Variants in MYBPC1 observed in about 807,000 individuals in gnomAD.
MYBPC1 encodes the protein myosin-binding protein C, slow-type.
In MYBPC1, 52 loss-of-function variants were observed where a neutral mutation model predicts 147.1. The ratio of observed to expected loss-of-function variants is 0.35; its 90% CI spans 0.28 to 0.45. The LOEUF is 0.45. MYBPC1 is among the 20% of genes least tolerant of loss of function. MYBPC1 has a pLI of 1.00. For missense variants in MYBPC1, 1,228 were observed against 1,440.3 expected (o/e 0.85, Z 2.39); for synonymous variants, 477 against 475.9 (o/e 1.00, Z -0.03).
intron 1 of MYBPC1, among the ~76,000 whole-genome samples, chr12:101,604,162 C>T (rs565709968): frequency 6.6e-6 from 1 of 152,150 alleles, no homozygotes; most frequent in Non-Finnish European, 1.5e-5. Context: ...AGCAATTTTC[C>T]CCCAGCCCCA....
chr12:101,668,206 A>G (rs373982604), intron 23 of MYBPC1, among the ~76,000 whole-genome samples: 5 of 152,210 alleles, frequency 3.3e-5, no homozygotes, highest in South Asian at 2.1e-4. Context: ...CAACCATGCA[A>G]ACAATCCCTA....
At chr12:101,662,909 A>G (rs763177321) in intron 21 of MYBPC1, among the ~76,000 whole-genome samples, 2 of 152,204 alleles carry the variant, frequency 1.3e-5, no homozygotes, top group Non-Finnish European at 2.9e-5. Flanking sequence ...GTAAACAACT[A>G]TCACTGAAAC....
At chr12:101,638,835 C>T (rs1046756521) in intron 10 of MYBPC1, among the ~76,000 whole-genome samples, 1 of 152,096 alleles carries the variant, frequency 6.6e-6, no homozygotes, top group Admixed American at 6.6e-5. Flanking sequence ...TTAAGATTTG[C>T]ATTCATAATT....
chr12:101,642,383 C>T, intron 10 of MYBPC1, 36 bp from the exon 11 acceptor site: 2 of 1,609,552 alleles, frequency 1.2e-6, no homozygotes, highest in East Asian at 2.2e-5. Context: ...AGGGTCAGTG[C>T]AGCTACTAAA....
At chr12:101,613,266 C>T (rs541473499) in intron 1 of MYBPC1, among the ~76,000 whole-genome samples, 57 of 152,240 alleles carry the variant, frequency 3.7e-4, no homozygotes, top group Admixed American at 5.9e-4. Flanking sequence ...TAGACTAGAA[C>T]GGGGCATTTG....
chr12:101,670,525 G>C, intron 24 of MYBPC1, 116 bp downstream of exon 24: 1 of 891,414 alleles, frequency 1.1e-6, no homozygotes, highest in South Asian at 1.3e-5. Flanking sequence ...CAGAGGGAGA[G>C]GAGGTAAATA....
intron 8 of MYBPC1, 39 bp from the exon 9 acceptor site, chr12:101,634,515 T>C: frequency 6.6e-7 from 1 of 1,522,800 alleles, no homozygotes; most frequent in African/African-American, 1.4e-5. Flanking sequence ...ACTACCTCCT[T>C]AATGGGTATT....
intron 1 of MYBPC1, among the ~76,000 whole-genome samples, chr12:101,601,047 G>A (rs1879717610): frequency 6.6e-6 from 1 of 152,184 alleles, no homozygotes; most frequent in Admixed American, 6.5e-5. Flanking sequence ...AAAGGTAGTA[G>A]CTGAATTAGT....
chr12:101,664,301 T>C (rs1005530155), intron 22 of MYBPC1: 1 of 152,226 alleles, frequency 6.6e-6, no homozygotes, highest in Non-Finnish European at 1.5e-5. Flanking sequence ...TCCTGTTGTG[T>C]TTCTTGGTTT....
intron 8 of MYBPC1, 58 bp downstream of exon 8, chr12:101,632,196 GAGA>G (rs1326016227): frequency 3.4e-6 from 4 of 1,163,078 alleles, no homozygotes; most frequent in African/African-American, 1.5e-5. Context: ...TGAGGGGATG[GAGA>G]AGAAGTAGTT....
intron 1 of MYBPC1, among the ~76,000 whole-genome samples, chr12:101,608,075 G>A (rs1306827939): frequency 6.6e-6 from 1 of 152,218 alleles, no homozygotes; most frequent in Non-Finnish European, 1.5e-5. Flanking sequence ...GTGCAGGCAT[G>A]CCATTGGTGG....
At chr12:101,686,386 C>T (rs989442380), downstream of MYBPC1, among the ~76,000 whole-genome samples, 1 of 152,212 alleles carries the variant, frequency 6.6e-6, no homozygotes, top group Non-Finnish European at 1.5e-5. Flanking sequence ...TCTGCCAGAG[C>T]TTCTGCCAAA....
chr12:101,607,987 G>A (rs905841082), intron 1 of MYBPC1, among the ~76,000 whole-genome samples: 17 of 152,220 alleles, frequency 1.1e-4, no homozygotes, highest in Non-Finnish European at 1.8e-4. Context: ...TTCTGCAGCA[G>A]CACAAAGGCC....
chr12:101,676,222 G>A (rs1566008320), intron 26 of MYBPC1, among the ~76,000 whole-genome samples: 1 of 152,186 alleles, frequency 6.6e-6, no homozygotes, highest in Non-Finnish European at 1.5e-5. Flanking sequence ...CCTAGTTGGA[G>A]TATGACTTAT....
intron 10 of MYBPC1, among the ~76,000 whole-genome samples, chr12:101,641,795 T>A (rs754426541): frequency 1.3e-5 from 2 of 151,410 alleles, no homozygotes; most frequent in Non-Finnish European, 2.9e-5. Context: ...AAAAACCATG[T>A]GAAAAACAAA....
At position 101,655,440 on chromosome 12, in the gene MYBPC1, A is replaced by G. The variant is rs571342993; in HGVS notation, c.1767+2192A>G. Among the ~76,000 whole-genome samples, 34 of 152,336 alleles carry G rather than the reference A, an allele frequency of 2.2e-4. No homozygotes were observed. In the South Asian group the frequency reaches 6.8e-3, roughly 31 times the overall value. On this transcript the variant is annotated intron_variant, in intron 18 of 31. Coordinates refer to ENST00000361466, the MANE Select transcript of MYBPC1 (RefSeq NM_002465.4). ...TGATCCAAAATGAAACACAAGAGAA[A>G]AAGTCCAAAAAAATTTAAAGAATCA... is the stretch of plus-strand genomic sequence containing the variant.
chr12:101,627,734 C>G, intron 4 of MYBPC1, 35 bp from the exon 5 acceptor site: 1 of 1,611,204 alleles, frequency 6.2e-7, no homozygotes, highest in Non-Finnish European at 8.5e-7. Flanking sequence ...CCCTTTCCAC[C>G]CCTCTGCATC....
chr12:101,614,442 G>A (rs1885323524), intron 1 of MYBPC1, 54 bp from the exon 2 acceptor site: 1 of 1,607,486 alleles, frequency 6.2e-7, no homozygotes, highest in Non-Finnish European at 8.5e-7. Flanking sequence ...GTAGAAAGCA[G>A]TTCTTCTCTG....
intron 22 of MYBPC1, chr12:101,664,468 C>T (rs1174211513): frequency 6.6e-6 from 1 of 152,122 alleles, no homozygotes; most frequent in Non-Finnish European, 1.5e-5. Context: ...CTTTGGACAC[C>T]AAACTTTAAC....
Sources: gnomAD v4.1 joint callset for allele counts (sites outside exome capture counted in the v4.1 genomes callset) on GRCh38, gnomAD v4.1.1 for gene constraint, MANE v1.5 for transcripts, NCBI Gene and HGNC (gene_info 2026-07-23, HGNC 2026-07-21) for gene names.